Variants in CCNB3 observed in about 807,000 individuals in gnomAD.
CCNB3 encodes the protein G2/mitotic-specific cyclin-B3.
CCNB3 carries 12 observed loss-of-function variants against 68.0 expected under a neutral mutation model. The observed-to-expected ratio is 0.18, with a 90% CI of 0.11 to 0.29. The LOEUF is 0.29. CCNB3 is among the 10% of genes least tolerant of loss of function. The pLI is 1.00. For synonymous variants in CCNB3, 354 were observed against 388.9 expected (o/e 0.91, Z 1.06); for missense variants, 904 against 993.1 (o/e 0.91, Z 1.21).
At chrX:50,281,489 C>T in intron 1 of CCNB3, among the ~76,000 whole-genome samples, 1 of 111,281 alleles carries the variant, frequency 9.0e-6, no homozygotes, top group Admixed American at 9.6e-5. Flanking sequence ...CCGGCTCTGT[C>T]GCCTGCCAGT....
intron 5 of CCNB3, among the ~76,000 whole-genome samples, chrX:50,299,332 G>A (rs1936567524): frequency 9.0e-6 from 1 of 111,164 alleles, no homozygotes; most frequent in African/African-American, 3.3e-5. Flanking sequence ...GGTATGTTGT[G>A]TCTTTGTTCT....
intron 8 of CCNB3, among the ~76,000 whole-genome samples, chrX:50,341,196 G>A (rs974194729): frequency 6.4e-5 from 7 of 109,643 alleles, no homozygotes; most frequent in Non-Finnish European, 9.5e-5. Context: ...CGGGCGTGGT[G>A]GCGGATGCCT....
intron 1 of CCNB3, among the ~76,000 whole-genome samples, chrX:50,211,005 T>C: frequency 9.0e-6 from 1 of 111,609 alleles, no homozygotes; most frequent in Non-Finnish European, 1.9e-5. Context: ...CTCACACCTG[T>C]AATTGCAGCA....
chrX:50,288,827 G>A lies in CCNB3; in HGVS notation c.144G>A (p.Glu48=). The A allele has an allele frequency of 2.5e-6, 3 of 1,209,259 alleles. No individual in the cohort carries two copies. The highest frequency in any genetic ancestry group is 3.4e-6 in the Non-Finnish European group (3 of 893,845). ...AGATATCTCCATCTTCACTTCAGGA[G>A]TCTCCATCTTCACTTCAGGGAGCAC... ...QTKISPSSLQ[E]SPSSLQGALK... Residue 48 remains glutamate, a synonymous_variant, in exon 4 of 13, where the codon GAG becomes GAA. Transcript: ENST00000376042.
chrX:50,347,754 C>T lies in CCNB3; in HGVS notation c.3939C>T (p.Tyr1313=), dbSNP rs1557220590. ...LAAASLLLAL[Y]MKKLGYWVPF... ...CTGCCTCCTTACTCCTGGCCCTCTA[C>T]ATGAAGAAGCTCGGATACTGGGTAA... is the stretch of plus-strand genomic sequence containing the variant. The change falls in exon 11 of 13, where the codon TAC becomes TAT. Residue 1313 remains tyrosine, a synonymous_variant. Coordinates refer to ENST00000376042, the MANE Select transcript of CCNB3 (RefSeq NM_033031.3). 3.3e-6 allele frequency: 4 copies of T among 1,207,697 alleles called. No homozygotes were observed. Among genetic ancestry groups the T allele is most frequent in the Non-Finnish European group, 3.4e-6 (3 of 894,597 alleles).
intron 1 of CCNB3, among the ~76,000 whole-genome samples, chrX:50,214,459 A>T (rs1935529474): frequency 1.0e-4 from 2 of 19,422 alleles, no homozygotes; most frequent in Admixed American, 9.7e-4. Context: ...TTTACCTTTC[A>T]GTTTTAGCTG....
At chrX:50,287,937 G>GGC (rs1569542409) in intron 3 of CCNB3, among the ~76,000 whole-genome samples, 5 of 109,117 alleles carry the variant, frequency 4.6e-5, no homozygotes, top group African/African-American at 1.7e-4. Flanking sequence ...AGTGGCATTA[G>GGC]ATTCTCATAG....
Position 50,309,919 on chromosome X carries a change from A to T in CCNB3, c.1750A>T (p.Thr584Ser), listed in dbSNP as rs781949746. The T allele has an allele frequency of 8.3e-7, 1 of 1,210,602 alleles. No homozygotes were observed. Residue 584 changes from threonine (T) to serine (S), a missense_variant, in exon 6 of 13, where the codon ACA (threonine) becomes TCA (serine). Transcript: ENST00000376042. Reference sequence around the variant, plus strand: ...AACTGAGGAGACAGTACTTACCAAGACATCGTTGTCTTTACAGGAAAAGAA... The same window carrying T: ...AACTGAGGAGACAGTACTTACCAAGTCATCGTTGTCTTTACAGGAAAAGAA... ...PTTEETVLTK[T>S]SLSLQEKKIT...
intron 1 of CCNB3, among the ~76,000 whole-genome samples, chrX:50,217,430 G>A (rs1020456689): frequency 2.3e-4 from 25 of 108,734 alleles, no homozygotes; most frequent in East Asian, 5.8e-4. Context: ...CCGCCACCAC[G>A]TCCGGCTAAT....
rs895469505 is a variant in CCNB3 at position 50,223,623 on chromosome X, T to G, written c.-113+18673T>G. ...GCAGAAAAGCAAAGATTGCTGCCTG[T>G]TTCTTCCTCTGAAAGCTTCGTCCCA... On this transcript the variant is annotated intron_variant, in intron 1 of 12. Coordinates refer to ENST00000376042, the MANE Select transcript of CCNB3 (RefSeq NM_033031.3). 4.2e-3 allele frequency among the ~76,000 whole-genome samples: 472 copies of G among 112,239 alleles called. 3 individuals carry two copies. Among genetic ancestry groups the G allele is most frequent in the African/African-American group, 0.014 (433 of 30,967 alleles).
At chrX:50,294,057 C>A (rs1484417731) in intron 4 of CCNB3, among the ~76,000 whole-genome samples, 1 of 110,843 alleles carries the variant, frequency 9.0e-6, no homozygotes, top group Non-Finnish European at 1.9e-5. Context: ...TACCTCATTC[C>A]CCCCAAGTAG....
chrX:50,218,688 G>T (rs1935620244), intron 1 of CCNB3, among the ~76,000 whole-genome samples: 1 of 111,929 alleles, frequency 8.9e-6, no homozygotes, highest in African/African-American at 3.2e-5. Flanking sequence ...TCACTGATGG[G>T]CATTTGGGTT....
At chrX:50,226,468 AAT>A (rs1256379651) in intron 1 of CCNB3, among the ~76,000 whole-genome samples, 1 of 63,630 alleles carries the variant, frequency 1.6e-5, no homozygotes, top group East Asian at 4.5e-4. Context: ...ATATATATAG[AAT>A]ATATATAAAT....
chrX:50,288,850 C>A lies in CCNB3; in HGVS notation c.167C>A (p.Ala56Glu). 1 of 1,204,068 alleles carries A rather than the reference C, an allele frequency of 8.3e-7. No individual in the cohort carries two copies. The highest frequency in any genetic ancestry group is 1.1e-6 in the Non-Finnish European group (1 of 889,555). ...LQESPSSLQG[A>E]LKKRSAFEDL... is the part of the protein sequence containing the mutation. ...GAGTCTCCATCTTCACTTCAGGGAG[C>A]ACTCAAAAAGAGATCAGCTTTTGAA... The change falls in exon 4 of 13, where the codon GCA (alanine) becomes GAA (glutamate). Residue 56 changes from alanine to glutamate, a missense_variant. Physicochemically the swap from Ala to Glu is moderately radical, Grantham distance 107. Around this residue, in one of 2 missense-constraint regions of CCNB3, gnomAD observed 619 missense variants for 609.8 expected, o/e 1.02. Coordinates refer to ENST00000376042, the MANE Select transcript of CCNB3 (RefSeq NM_033031.3).
chrX:50,308,329 T>C (rs183542785), intron 5 of CCNB3, among the ~76,000 whole-genome samples, 176 bp from the exon 6 acceptor site: 166 of 112,189 alleles, frequency 1.5e-3, no homozygotes, highest in African/African-American at 5.2e-3. Flanking sequence ...AACTATACAG[T>C]GTACTACTTA....
chrX:50,348,295 A>G (rs1923504031), intron 11 of CCNB3, among the ~76,000 whole-genome samples: 1 of 112,310 alleles, frequency 8.9e-6, no homozygotes, highest in South Asian at 3.7e-4. Flanking sequence ...CAATACAAAT[A>G]AAACTCATAT....
At chrX:50,342,664 A>G (rs1004825358) in intron 9 of CCNB3, among the ~76,000 whole-genome samples, 3 of 111,436 alleles carry the variant, frequency 2.7e-5, no homozygotes, top group Non-Finnish European at 5.6e-5. Flanking sequence ...TGATAATGAT[A>G]TAAACTGTTA....
At chrX:50,346,250 C>G (rs1404544876) in intron 9 of CCNB3, among the ~76,000 whole-genome samples, 1 of 112,378 alleles carries the variant, frequency 8.9e-6, no homozygotes, top group Non-Finnish European at 1.9e-5. Flanking sequence ...AAAATACAGG[C>G]TTATTTTCTA....
At chrX:50,322,066 A>ACTT (rs1483236271) in intron 8 of CCNB3, among the ~76,000 whole-genome samples, 2 of 95,522 alleles carry the variant, frequency 2.1e-5, no homozygotes, top group Admixed American at 1.2e-4. Flanking sequence ...TTCCATATGA[A>ACTT]CTTTAAAGAA....
Sources: gnomAD v4.1 joint callset for allele counts (sites outside exome capture counted in the v4.1 genomes callset) on GRCh38, gnomAD v4.1.1 for gene constraint, gnomAD v4.1.1 regional missense constraint, MANE v1.5 for transcripts, NCBI Gene and HGNC (gene_info 2026-07-23, HGNC 2026-07-21) for gene names.